The following CACNA1C variants were observed in gnomAD, a reference collection of about 807,000 sequenced individuals.
The protein encoded by CACNA1C is calcium voltage-gated channel subunit alpha1 C, also known as voltage-dependent L-type calcium channel subunit alpha-1C.
In CACNA1C, 30 loss-of-function variants were observed where a neutral mutation model predicts 229.0. That is an observed-to-expected ratio of 0.13 (90% CI 0.10 to 0.18). CACNA1C has a LOEUF of 0.18. CACNA1C is among the 10% of genes least tolerant of loss of function. CACNA1C has a pLI of 1.00. For synonymous variants in CACNA1C, 1,114 were observed against 1,132.5 expected (o/e 0.98, Z 0.33); for missense variants, 1,658 against 2,845.0 (o/e 0.58, Z 9.49).
chr12:2,160,994 A>T (rs2095825637), intron 3 of CACNA1C, among the ~76,000 whole-genome samples: 1 of 152,086 alleles, frequency 6.6e-6, no homozygotes, highest in Admixed American at 6.5e-5. Flanking sequence ...ACTAATTTTT[A>T]TATTTTCAGT....
At chr12:2,099,180 C>G (rs1030247284) in intron 1 of CACNA1C, among the ~76,000 whole-genome samples, 2 of 152,156 alleles carry the variant, frequency 1.3e-5, no homozygotes, top group Non-Finnish European at 2.9e-5. Context: ...GGTTTTTAAA[C>G]AAGACGAAAA....
At chr12:2,042,378 T>G (rs6489345) in intron 1 of CACNA1C, among the ~76,000 whole-genome samples, 61,307 of 152,004 alleles carry the variant, frequency 0.4, 13,960 homozygotes, top group East Asian at 0.67. Context: ...GGATTGAATT[T>G]TCATCACAGA....
intron 9 of CACNA1C, among the ~76,000 whole-genome samples, chr12:2,534,602 C>T (rs565336257): frequency 2.0e-5 from 3 of 152,328 alleles, no homozygotes; most frequent in African/African-American, 4.8e-5. Context: ...CTCCCCCACC[C>T]CTGCAGCAAA....
intron 3 of CACNA1C, among the ~76,000 whole-genome samples, chr12:2,303,731 C>T (rs1213338721): frequency 6.6e-6 from 1 of 152,196 alleles, no homozygotes; most frequent in African/African-American, 2.4e-5. Context: ...GTCCATGCTT[C>T]TGTCTAACGG....
At chr12:2,035,533 C>T (rs1455439502) in intron 1 of CACNA1C, among the ~76,000 whole-genome samples, 1 of 152,222 alleles carries the variant, frequency 6.6e-6, no homozygotes, top group Non-Finnish European at 1.5e-5. Context: ...CGAACCTCTT[C>T]TGTGCAGACA....
At chr12:2,475,296 C>G (rs2099620228) in intron 5 of CACNA1C, among the ~76,000 whole-genome samples, 1 of 149,842 alleles carries the variant, frequency 6.7e-6, no homozygotes, top group Admixed American at 6.6e-5. Context: ...GAGACTCCAT[C>G]TCAAAAAAAA....
chr12:2,188,204 A>T (rs1483754736), intron 3 of CACNA1C, among the ~76,000 whole-genome samples: 1 of 152,238 alleles, frequency 6.6e-6, no homozygotes, highest in Non-Finnish European at 1.5e-5. Flanking sequence ...GCCTTTCCGC[A>T]TATCAAACAT....
chr12:2,131,837 T>C (rs1158456023), intron 3 of CACNA1C, among the ~76,000 whole-genome samples: 64 of 148,890 alleles, frequency 4.3e-4, no homozygotes, highest in African/African-American at 1.6e-3. Context: ...TCCAATTCTG[T>C]GAAGAAAGTC....
intron 3 of CACNA1C, among the ~76,000 whole-genome samples, chr12:2,191,460 C>T (rs1428070572): frequency 1.3e-5 from 2 of 152,122 alleles, no homozygotes; most frequent in African/African-American, 2.4e-5. Flanking sequence ...CTGTGACTTT[C>T]CTTTTGCTGT....
rs2096117360 is a variant in CACNA1C at position 2,666,501 on chromosome 12, G to A, written c.4527-185G>A. On this transcript the variant is annotated intron_variant, in intron 36 of 46. Coordinates refer to ENST00000399655, the MANE Select transcript of CACNA1C (RefSeq NM_000719.7). The surrounding 1 kb of genome is among the most constrained non-coding windows in gnomAD (Gnocchi z 5.3). Reference sequence around the variant, plus strand: ...CATTAAAATCTAAACACGTGTATATGTATATTGGTTTGGGGCTGTGTCATG... The same window carrying A: ...CATTAAAATCTAAACACGTGTATATATATATTGGTTTGGGGCTGTGTCATG... 3.8e-6 allele frequency: 2 copies of A among 523,316 alleles called. No individual in the cohort carries two copies. Among genetic ancestry groups the A allele is most frequent in the African/African-American group, 1.9e-5 (1 of 52,898 alleles). 32.4% of individuals were successfully genotyped at this position (523,316 alleles called of 1,614,324 possible). A position where few individuals can be genotyped will look rare whatever the true frequency, so the allele number is the denominator to read the frequency against.
At position 2,618,824 on chromosome 12, in the gene CACNA1C, G is replaced by A. The variant is rs140043733; in HGVS notation, c.3828+6811G>A. Among the ~76,000 whole-genome samples the A allele has an allele frequency of 5.6e-3, 860 of 152,338 alleles. 9 individuals carry two copies. Among genetic ancestry groups the A allele is most frequent in the African/African-American group, 0.02 (812 of 41,588 alleles). On this transcript the variant is annotated intron_variant, in intron 29 of 46. Coordinates refer to ENST00000399655, the MANE Select transcript of CACNA1C (RefSeq NM_000719.7). ...CTGGAGCCCGTTCCTCTTTTTGAAAGCGGAGAATCTTCTAGGAACTTGGTT... is the reference window on the plus strand; with the variant it reads ...CTGGAGCCCGTTCCTCTTTTTGAAAACGGAGAATCTTCTAGGAACTTGGTT...
At chr12:2,394,132 G>T (rs976543249) in intron 3 of CACNA1C, among the ~76,000 whole-genome samples, 1 of 150,610 alleles carries the variant, frequency 6.6e-6, no homozygotes, top group African/African-American at 2.4e-5. Context: ...AAAAGGAAAA[G>T]GAGGGACACT....
chr12:2,577,908 G>C (rs1041942185), intron 13 of CACNA1C, among the ~76,000 whole-genome samples: 4 of 146,766 alleles, frequency 2.7e-5, no homozygotes, highest in South Asian at 4.4e-4. Flanking sequence ...TCGCTCTGTC[G>C]CCCAGGCTGG....
chr12:2,677,053 T>A lies in CACNA1C; in HGVS notation c.4829-41T>A. The A allele has an allele frequency of 1.3e-6, 2 of 1,549,548 alleles. No individual in the cohort carries two copies. The highest frequency in any genetic ancestry group is 1.8e-6 in the Non-Finnish European group (2 of 1,128,920). On this transcript the variant is annotated intron_variant, in intron 39 of 46. Coordinates refer to ENST00000399655, the MANE Select transcript of CACNA1C (RefSeq NM_000719.7). The surrounding 1 kb of genome is among the most constrained non-coding windows in gnomAD (Gnocchi z 7.4). ...TGAATGAAGTTCAACTGAATTCCCC[T>A]GCTCCCCTCTTACCCCCTCTCCCCT...
intron 3 of CACNA1C, among the ~76,000 whole-genome samples, chr12:2,198,322 C>T (rs2097478452): frequency 3.3e-5 from 5 of 152,178 alleles, no homozygotes; most frequent in African/African-American, 9.6e-5. Flanking sequence ...CCCGGAGAGG[C>T]GGCTTCTGAG....
chr12:2,553,036 C>T (rs1309876005), intron 10 of CACNA1C, among the ~76,000 whole-genome samples: 1 of 152,096 alleles, frequency 6.6e-6, no homozygotes, highest in East Asian at 1.9e-4. Flanking sequence ...CAGTTTGAGG[C>T]CCTGAACTTG....
At chr12:2,534,970 C>T (rs1006455349) in intron 9 of CACNA1C, among the ~76,000 whole-genome samples, 1 of 152,216 alleles carries the variant, frequency 6.6e-6, no homozygotes, top group Non-Finnish European at 1.5e-5. Context: ...AGCACTGAAC[C>T]TCTATCCTAA....
chr12:2,158,042 A>G (rs903616640), intron 3 of CACNA1C, among the ~76,000 whole-genome samples: 1 of 152,228 alleles, frequency 6.6e-6, no homozygotes, highest in African/African-American at 2.4e-5. Flanking sequence ...AGTAAAAAAA[A>G]TATGACCATT....
chr12:2,377,870 TG>T (rs2098122395), intron 3 of CACNA1C, among the ~76,000 whole-genome samples: 1 of 152,204 alleles, frequency 6.6e-6, no homozygotes, highest in African/African-American at 2.4e-5. Context: ...CTGTGTCCTG[TG>T]GGAGAATTCA....
Sources: allele counts gnomAD v4.1 joint callset (sites outside exome capture counted in the v4.1 genomes callset), GRCh38; gene constraint gnomAD v4.1.1; non-coding constraint Gnocchi (gnomAD v3.1); transcripts MANE v1.5; gene names NCBI Gene and HGNC (gene_info 2026-07-23, HGNC 2026-07-21).